MEI4: variants seen among roughly 807,000 people sequenced by gnomAD.
The protein encoded by MEI4 is meiotic double-stranded break formation protein 4, also known as meiosis-specific protein MEI4.
In MEI4, 27 loss-of-function variants were observed where a neutral mutation model predicts 31.4. The observed-to-expected ratio is 0.86, with a 90% CI of 0.63 to 1.19. The LOEUF (loss-of-function observed/expected upper bound fraction) is 1.19, where lower values mean the gene tolerates loss of function less well. Among genes scored for constraint, MEI4 ranks in the 50% most tolerant of loss-of-function variants. The pLI, the probability that MEI4 is intolerant of heterozygous loss-of-function variation, is 0.00. For synonymous variants in MEI4, 122 were observed against 145.4 expected (o/e 0.84, Z 1.16); for missense variants, 329 against 398.9 (o/e 0.82, Z 1.49).
chr6:77,736,291 C>T lies in MEI4; in HGVS notation c.233-24839C>T, dbSNP rs111851853. On this transcript the variant is annotated intron_variant, in intron 2 of 4. Transcript: ENST00000684080. ...GCTGTGCTAGCAATCAGCAAGACTCCGTGGGCGTATTACCCTCCGAGCCAT... is the reference window on the plus strand; with the variant it reads ...GCTGTGCTAGCAATCAGCAAGACTCTGTGGGCGTATTACCCTCCGAGCCAT... Among the ~76,000 whole-genome samples the T allele has an allele frequency of 5.3e-3, 808 of 152,118 alleles. 16 individuals are homozygous for T. The highest frequency in any genetic ancestry group is 0.019 in the African/African-American group (787 of 41,410).
chr6:77,710,393 G>T (rs550560286), intron 2 of MEI4, among the ~76,000 whole-genome samples: 1 of 151,598 alleles, frequency 6.6e-6, no homozygotes, highest in Non-Finnish European at 1.5e-5. Flanking sequence ...GTGGTGGTGC[G>T]CACCTGTAGT....
At chr6:77,885,530 C>T (rs114795740) in intron 4 of MEI4, among the ~76,000 whole-genome samples, 4 of 152,012 alleles carry the variant, frequency 2.6e-5, no homozygotes, top group African/African-American at 9.6e-5. Flanking sequence ...TATCCTGCAA[C>T]TATACTGAAT....
intron 4 of MEI4, among the ~76,000 whole-genome samples, chr6:77,917,185 C>G (rs374939257): frequency 3.5e-4 from 53 of 152,058 alleles, no homozygotes; most frequent in African/African-American, 1.0e-3. Flanking sequence ...GGACATTTGG[C>G]TTGGTTCCAA....
At chr6:77,885,872 A>G (rs2127730319) in intron 4 of MEI4, among the ~76,000 whole-genome samples, 1 of 152,292 alleles carries the variant, frequency 6.6e-6, no homozygotes, top group South Asian at 2.1e-4. Context: ...AATTTTTATC[A>G]GGAGAGGATG....
At chr6:77,778,026 C>A (rs1768499971) in intron 3 of MEI4, among the ~76,000 whole-genome samples, 1 of 150,972 alleles carries the variant, frequency 6.6e-6, no homozygotes, top group Non-Finnish European at 1.5e-5. Context: ...GGAAAAGATA[C>A]ATAGTATTTT....
intron 4 of MEI4, among the ~76,000 whole-genome samples, chr6:77,865,371 A>G (rs1201354326): frequency 2.0e-5 from 3 of 152,160 alleles, no homozygotes; most frequent in Non-Finnish European, 2.9e-5. Context: ...AATCAAATAG[A>G]CGCAATAAAA....
intron 2 of MEI4, among the ~76,000 whole-genome samples, chr6:77,751,653 C>G (rs770328080): frequency 3.9e-5 from 6 of 152,026 alleles, no homozygotes; most frequent in Non-Finnish European, 8.8e-5. Flanking sequence ...AAGTCCAGGA[C>G]CAGATGGATT....
intron 2 of MEI4, among the ~76,000 whole-genome samples, chr6:77,749,090 G>A (rs1404775548): frequency 6.6e-6 from 1 of 152,100 alleles, no homozygotes; most frequent in Non-Finnish European, 1.5e-5. Flanking sequence ...ATAAAAAGAT[G>A]CCCACTCAGA....
At chr6:77,788,873 T>G (rs1271660003) in intron 3 of MEI4, among the ~76,000 whole-genome samples, 1 of 152,152 alleles carries the variant, frequency 6.6e-6, no homozygotes, top group Non-Finnish European at 1.5e-5. Flanking sequence ...TAGCTACAAG[T>G]GACTTTCTTC....
intron 2 of MEI4, among the ~76,000 whole-genome samples, chr6:77,742,173 C>T (rs948026138): frequency 6.6e-6 from 1 of 151,962 alleles, no homozygotes; most frequent in Non-Finnish European, 1.5e-5. Flanking sequence ...ATTTCTAGTT[C>T]TAGATCCCTG....
intron 3 of MEI4, among the ~76,000 whole-genome samples, chr6:77,809,006 G>A (rs1208669378): frequency 6.6e-6 from 1 of 152,220 alleles, no homozygotes; most frequent in Non-Finnish European, 1.5e-5. Flanking sequence ...GGCAGCTGAA[G>A]GCTGCCTGTA....
intron 2 of MEI4, among the ~76,000 whole-genome samples, chr6:77,740,787 T>G (rs1767379971): frequency 6.6e-6 from 1 of 151,810 alleles, no homozygotes; most frequent in Non-Finnish European, 1.5e-5. Flanking sequence ...TATATATTTA[T>G]AAATAATGTT....
chr6:77,730,864 G>T (rs1766966853), intron 2 of MEI4, among the ~76,000 whole-genome samples: 1 of 148,510 alleles, frequency 6.7e-6, no homozygotes, highest in Non-Finnish European at 1.5e-5. Context: ...GCCTATGAGT[G>T]AGAATATGCA....
chr6:77,918,085 T>C (rs370386767), intron 4 of MEI4, among the ~76,000 whole-genome samples: 156 of 150,724 alleles, frequency 1.0e-3, no homozygotes, highest in African/African-American at 3.3e-3. Context: ...TGTAGATATG[T>C]GGCGTTATTT....
At chr6:77,801,008 A>C (rs1457316070) in intron 3 of MEI4, among the ~76,000 whole-genome samples, 1 of 151,994 alleles carries the variant, frequency 6.6e-6, no homozygotes, top group African/African-American at 2.4e-5. Context: ...TGGCCTCATA[A>C]AATGAGTTAG....
At chr6:77,729,056 C>G (rs541587778) in intron 2 of MEI4, among the ~76,000 whole-genome samples, 2 of 152,080 alleles carry the variant, frequency 1.3e-5, no homozygotes, top group Non-Finnish European at 2.9e-5. Flanking sequence ...AGAGAAGCCC[C>G]GGAAAGGGAG....
intron 1 of MEI4, among the ~76,000 whole-genome samples, chr6:77,658,515 C>T (rs1310212756): frequency 1.3e-5 from 2 of 151,570 alleles, no homozygotes; most frequent in Non-Finnish European, 2.9e-5. Context: ...AGTGTTGGGG[C>T]GGTGAAAATT....
chr6:77,814,810 CT>C (rs1455306422), intron 3 of MEI4, among the ~76,000 whole-genome samples: 2 of 152,094 alleles, frequency 1.3e-5, no homozygotes, highest in East Asian at 3.8e-4. Flanking sequence ...AATATTTAAA[CT>C]CTTAAAGTCA....
rs548545918 is a variant in MEI4 at position 77,836,313 on chromosome 6, T to C, written c.900+7251T>C. On this transcript the variant is annotated intron_variant, in intron 4 of 4. Transcript: ENST00000684080. The stretch of plus-strand genomic sequence containing the variant: ...AAAATGAATAATGCTTTTGGAATAT[T>C]GATAAGCACAGGTGAAATCTGAATT... Among the ~76,000 whole-genome samples the C allele has an allele frequency of 3.9e-4, 60 of 152,256 alleles. 1 individual carries two copies. In the Middle Eastern group the frequency reaches 0.01, roughly 26 times the overall value.
Sources: gnomAD v4.1 joint callset for allele counts (sites outside exome capture counted in the v4.1 genomes callset) on GRCh38, gnomAD v4.1.1 for gene constraint, MANE v1.5 for transcripts, NCBI Gene and HGNC (gene_info 2026-07-23, HGNC 2026-07-21) for gene names.